MAGI1: variants seen among roughly 807,000 people sequenced by gnomAD.
MAGI1 encodes the protein membrane-associated guanylate kinase, WW and PDZ domain-containing protein 1.
MAGI1 carries 58 observed loss-of-function variants against 139.9 expected under a neutral mutation model. That is an observed-to-expected ratio of 0.41 (90% CI 0.34 to 0.52). The LOEUF (loss-of-function observed/expected upper bound fraction) is 0.52. Ranked by LOEUF, MAGI1 falls within the 20% of genes least tolerant of loss-of-function variation. The pLI is 0.12. For missense variants in MAGI1, 1,874 were observed against 1,901.6 expected (o/e 0.99, Z 0.27); for synonymous variants, 812 against 737.9 (o/e 1.10, Z -1.63).
At chr3:65,549,330 G>GTC in intron 2 of MAGI1, 1 of 682,752 alleles carries the variant, frequency 1.5e-6, no homozygotes, top group Non-Finnish European at 1.8e-6. Flanking sequence ...TTCCCGCCCA[G>GTC]TCTCCTTCCT....
chr3:65,514,534 T>G lies in MAGI1; in HGVS notation c.431-20903A>C, dbSNP rs2077764100. 2.7e-5 allele frequency among the ~76,000 whole-genome samples: 4 copies of G among 150,362 alleles called. No homozygotes were observed. The South Asian group carries it at 8.5e-4, about 32-fold the overall frequency. ...GACACTTCTCAAAAGAAGACATTTA[T>G]GCAGCCAAAAAACACATGAAAAAAT... On this transcript the variant is annotated intron_variant, in intron 2 of 22. Coordinates refer to ENST00000402939, the MANE Select transcript of MAGI1 (RefSeq NM_001033057.2).
intron 1 of MAGI1, among the ~76,000 whole-genome samples, chr3:66,011,578 C>T (rs1320822652): frequency 6.6e-6 from 1 of 152,104 alleles, no homozygotes; most frequent in East Asian, 1.9e-4. Context: ...CCAGAACAGC[C>T]GCCTCCAATC....
intron 7 of MAGI1, among the ~76,000 whole-genome samples, chr3:65,447,654 C>T (rs904199989): frequency 1.3e-5 from 2 of 152,146 alleles, no homozygotes; most frequent in African/African-American, 2.4e-5. Context: ...ACCATCCGTA[C>T]TAAACAAATA....
At chr3:65,772,457 A>G (rs1215754543) in intron 1 of MAGI1, among the ~76,000 whole-genome samples, 6 of 152,182 alleles carry the variant, frequency 3.9e-5, no homozygotes, top group South Asian at 2.1e-4. Flanking sequence ...GGGATGGCCA[A>G]TCACCACCAA....
intron 18 of MAGI1, among the ~76,000 whole-genome samples, chr3:65,368,973 T>C (rs2106785610): frequency 6.6e-6 from 1 of 152,318 alleles, no homozygotes; most frequent in African/African-American, 2.4e-5. Context: ...TCCCACTCCA[T>C]GGGGCATCTC....
intron 1 of MAGI1, among the ~76,000 whole-genome samples, chr3:65,851,579 T>C (rs560053402): frequency 1.3e-5 from 2 of 152,062 alleles, no homozygotes; most frequent in South Asian, 2.1e-4. Context: ...CAAAACCTCA[T>C]CTCTACTAAA....
At chr3:65,935,583 C>G (rs1273191699) in intron 1 of MAGI1, among the ~76,000 whole-genome samples, 2 of 152,180 alleles carry the variant, frequency 1.3e-5, no homozygotes, top group African/African-American at 4.8e-5. Context: ...GAGGCTGCTA[C>G]TGCACTCCAG....
intron 1 of MAGI1, among the ~76,000 whole-genome samples, chr3:65,663,496 T>A (rs1478388270): frequency 6.6e-6 from 1 of 151,720 alleles, no homozygotes; most frequent in Non-Finnish European, 1.5e-5. Context: ...AGAAGAGGAG[T>A]CAAATGTGGA....
chr3:65,577,418 C>T (rs905292607), intron 2 of MAGI1, among the ~76,000 whole-genome samples: 2 of 152,084 alleles, frequency 1.3e-5, no homozygotes, highest in African/African-American at 2.4e-5. Context: ...AAATCAAACA[C>T]GGCTCCTATC....
intron 1 of MAGI1, among the ~76,000 whole-genome samples, chr3:65,779,796 C>T (rs760396191): frequency 2.0e-5 from 3 of 152,234 alleles, no homozygotes; most frequent in Non-Finnish European, 4.4e-5. Flanking sequence ...TGGAAAGTGA[C>T]GAGTATGCTG....
chr3:65,691,827 G>A (rs2088687626), intron 1 of MAGI1, among the ~76,000 whole-genome samples: 2 of 152,152 alleles, frequency 1.3e-5, no homozygotes, highest in African/African-American at 2.4e-5. Context: ...AGAAGAAAAA[G>A]GCATGGCTAA....
At chr3:65,919,907 T>G (rs1252605267) in intron 1 of MAGI1, among the ~76,000 whole-genome samples, 2 of 152,136 alleles carry the variant, frequency 1.3e-5, no homozygotes, top group Non-Finnish European at 2.9e-5. Flanking sequence ...CCTTTTAACT[T>G]TTTTCAATCT....
intron 1 of MAGI1, among the ~76,000 whole-genome samples, chr3:65,883,196 G>T (rs927503800): frequency 6.6e-6 from 1 of 152,044 alleles, no homozygotes; most frequent in South Asian, 2.1e-4. Context: ...GCATATGTTC[G>T]AAATGAGCCC....
At chr3:66,032,643 T>A (rs1241014145) in intron 1 of MAGI1, among the ~76,000 whole-genome samples, 2 of 151,444 alleles carry the variant, frequency 1.3e-5, no homozygotes, top group African/African-American at 4.8e-5. Context: ...ACAGGGCCCG[T>A]TGCGGTGGCT....
At chr3:65,635,393 T>C (rs1047930260) in intron 1 of MAGI1, among the ~76,000 whole-genome samples, 4 of 152,158 alleles carry the variant, frequency 2.6e-5, no homozygotes, top group African/African-American at 9.7e-5. Flanking sequence ...GTTACAGTCA[T>C]AAGGACACTG....
chr3:65,783,196 A>G (rs2108019798), intron 1 of MAGI1, among the ~76,000 whole-genome samples: 1 of 152,278 alleles, frequency 6.6e-6, no homozygotes, highest in South Asian at 2.1e-4. Flanking sequence ...CAACAAAAAG[A>G]AAGAATAGGA....
chr3:65,877,040 G>A (rs566560123), intron 1 of MAGI1, among the ~76,000 whole-genome samples: 1 of 152,114 alleles, frequency 6.6e-6, no homozygotes, highest in Non-Finnish European at 1.5e-5. Context: ...ACTGCGCCTG[G>A]CCTATGCTCT....
At chr3:65,381,787 T>TAG in intron 16 of MAGI1, 90 bp downstream of exon 16, 1 of 1,230,420 alleles carries the variant, frequency 8.1e-7, no homozygotes, top group African/African-American at 1.5e-5. Context: ...TTTGCTAAAA[T>TAG]AGACGCTCAA....
chr3:65,752,760 T>C (rs1334474195), intron 1 of MAGI1, among the ~76,000 whole-genome samples: 1 of 152,184 alleles, frequency 6.6e-6, no homozygotes, highest in Non-Finnish European at 1.5e-5. Flanking sequence ...TAGCAAAGAA[T>C]CCTACTCAGT....
Sources: gnomAD v4.1 joint callset for allele counts (sites outside exome capture counted in the v4.1 genomes callset) on GRCh38, gnomAD v4.1.1 for gene constraint, MANE v1.5 for transcripts, NCBI Gene and HGNC (gene_info 2026-07-23, HGNC 2026-07-21) for gene names.